Variants in IL1RAPL1 observed in about 807,000 individuals in gnomAD.
IL1RAPL1 encodes the protein interleukin 1 receptor accessory protein like 1.
Under a neutral mutation model 48.4 loss-of-function variants are expected in IL1RAPL1, and 3 were observed. The ratio of observed to expected loss-of-function variants is 0.06; its 90% CI spans 0.03 to 0.16. IL1RAPL1 has a LOEUF of 0.16. Ranked by LOEUF, IL1RAPL1 falls within the 10% of genes least tolerant of loss-of-function variation. The pLI is 1.00. For missense variants in IL1RAPL1, 349 were observed against 530.6 expected (o/e 0.66, Z 3.36); for synonymous variants, 185 against 187.7 (o/e 0.99, Z 0.12).
intron 2 of IL1RAPL1, among the ~76,000 whole-genome samples, chrX:28,943,935 T>C (rs1924229689): frequency 9.0e-6 from 1 of 111,222 alleles, no homozygotes; most frequent in Admixed American, 9.6e-5. Context: ...GTGAAAGTTA[T>C]GCAACTGCTG....
intron 5 of IL1RAPL1, among the ~76,000 whole-genome samples, chrX:29,441,968 A>G (rs370959338): frequency 1.8e-5 from 2 of 112,275 alleles, no homozygotes; most frequent in East Asian, 5.5e-4. Context: ...AATTATTGAA[A>G]TAAGAAAATG....
chrX:29,901,875 A>G (rs943610430), intron 6 of IL1RAPL1, among the ~76,000 whole-genome samples: 1 of 112,474 alleles, frequency 8.9e-6, no homozygotes, highest in Non-Finnish European at 1.9e-5. Context: ...AATCACAAAT[A>G]TTGGAGGATA....
chrX:28,642,128 T>G (rs1171050375), intron 1 of IL1RAPL1, among the ~76,000 whole-genome samples: 3 of 111,365 alleles, frequency 2.7e-5, no homozygotes, highest in African/African-American at 9.8e-5. Flanking sequence ...TAAATATATA[T>G]GCACCCGATA....
At chrX:28,832,846 CA>C (rs199749065) in intron 2 of IL1RAPL1, among the ~76,000 whole-genome samples, 3,974 of 70,168 alleles carry the variant, frequency 0.057, 296 homozygotes, top group African/African-American at 0.19. Flanking sequence ...TTTTTAGATT[CA>C]GGGGGTACAT....
intron 1 of IL1RAPL1, among the ~76,000 whole-genome samples, chrX:28,688,451 C>G (rs1480212187): frequency 9.0e-6 from 1 of 111,464 alleles, no homozygotes; most frequent in Non-Finnish European, 1.9e-5. Context: ...CTCAAGTGGT[C>G]CTCCCACCTC....
intron 5 of IL1RAPL1, among the ~76,000 whole-genome samples, chrX:29,427,011 A>T (rs2147708878): frequency 9.0e-6 from 1 of 110,891 alleles, no homozygotes; most frequent in Non-Finnish European, 1.9e-5. Flanking sequence ...AAAAAAAAAA[A>T]AAAGATTTGC....
intron 1 of IL1RAPL1, among the ~76,000 whole-genome samples, chrX:28,615,199 GTTTTTTTTTTTTTTTTT>G (rs778402885): frequency 2.6e-3 from 67 of 26,054 alleles, no homozygotes; most frequent in East Asian, 5.9e-3. Flanking sequence ...ACTGTTGTCT[GTTTTTTTTTTTTTTTTT>G]TTTTTTTTTT....
chrX:29,712,018 T>C (rs956106548), intron 6 of IL1RAPL1, among the ~76,000 whole-genome samples: 2 of 111,131 alleles, frequency 1.8e-5, no homozygotes, highest in South Asian at 7.5e-4. Flanking sequence ...CTACAGACTT[T>C]ACTAAATGTG....
chrX:29,809,339 C>T (rs937221143), intron 6 of IL1RAPL1, among the ~76,000 whole-genome samples: 2 of 108,348 alleles, frequency 1.8e-5, no homozygotes, highest in East Asian at 5.8e-4. Context: ...ATCTCCTGAC[C>T]TCATGATCCG....
At chrX:29,322,273 T>C in intron 3 of IL1RAPL1, among the ~76,000 whole-genome samples, 1 of 110,134 alleles carries the variant, frequency 9.1e-6, no homozygotes, top group South Asian at 3.9e-4. Flanking sequence ...CTCTCTTTCT[T>C]TCTTTTTTTT....
At chrX:29,623,836 G>T (rs1179035574) in intron 5 of IL1RAPL1, among the ~76,000 whole-genome samples, 1 of 111,575 alleles carries the variant, frequency 9.0e-6, no homozygotes, top group Non-Finnish European at 1.9e-5. Context: ...TGAAAAAACT[G>T]CTAGTTAATG....
intron 2 of IL1RAPL1, among the ~76,000 whole-genome samples, chrX:28,846,420 C>T (rs1286240311): frequency 9.0e-6 from 1 of 111,649 alleles, no homozygotes; most frequent in Non-Finnish European, 1.9e-5. Context: ...AATACAGTTC[C>T]AACTCCTTTG....
chrX:29,164,330 C>T (rs940954904), intron 2 of IL1RAPL1, among the ~76,000 whole-genome samples: 1 of 111,731 alleles, frequency 9.0e-6, no homozygotes, highest in Non-Finnish European at 1.9e-5. Context: ...AGTGCAGATG[C>T]TGAATAATTG....
intron 1 of IL1RAPL1, among the ~76,000 whole-genome samples, chrX:28,669,263 T>C (rs749260510): frequency 9.0e-6 from 1 of 110,982 alleles, no homozygotes; most frequent in Admixed American, 9.7e-5. Flanking sequence ...ATATGACATA[T>C]TAGAGTTAAG....
chrX:28,914,803 A>G (rs1336670829), intron 2 of IL1RAPL1, among the ~76,000 whole-genome samples: 1 of 112,780 alleles, frequency 8.9e-6, no homozygotes, highest in Non-Finnish European at 1.9e-5. Context: ...TATATACTCT[A>G]TGAAAATACT....
rs1934271263 is a variant in IL1RAPL1 at position 29,419,970 on chromosome X, A to T, written c.703+20662A>T. On this transcript the variant is annotated intron_variant, in intron 5 of 10. Transcript: ENST00000378993. ...AGGTGGAACCATGTGACTAGTTCTT[A>T]TCAATGAGTATAAGGGAAGGAATGT... Among the ~76,000 whole-genome samples, 4 of 111,851 alleles carry T rather than the reference A, an allele frequency of 3.6e-5. No homozygotes were observed. In the South Asian group the frequency reaches 1.5e-3, roughly 42 times the overall value.
In IL1RAPL1 at chrX:29,256,572, G is replaced by A. The variant is rs1327357487; in HGVS notation, c.83-26366G>A. 3.6e-5 allele frequency among the ~76,000 whole-genome samples: 4 copies of A among 111,483 alleles called. No individual in the cohort carries two copies. The South Asian group carries it at 1.5e-3, about 41-fold the overall frequency. On this transcript the variant is annotated intron_variant, in intron 2 of 10. Coordinates refer to ENST00000378993, the MANE Select transcript of IL1RAPL1 (RefSeq NM_014271.4). Reference sequence around the variant, plus strand: ...CTAATGCCTCTGTTTTTTCAACTGTGCAATGAAGATCATGCCTACCTTGTA... The same window carrying A: ...CTAATGCCTCTGTTTTTTCAACTGTACAATGAAGATCATGCCTACCTTGTA...
At chrX:28,973,489 C>G (rs963575856) in intron 2 of IL1RAPL1, among the ~76,000 whole-genome samples, 2 of 112,031 alleles carry the variant, frequency 1.8e-5, no homozygotes, top group African/African-American at 6.5e-5. Context: ...TCACGATTTT[C>G]CAATATAACT....
At chrX:28,747,249 ATTC>A (rs1028918529) in intron 1 of IL1RAPL1, among the ~76,000 whole-genome samples, 4 of 111,218 alleles carry the variant, frequency 3.6e-5, no homozygotes, top group African/African-American at 1.3e-4. Flanking sequence ...ATGAGTTCTG[ATTC>A]TTCTTTCTGG....
Sources: gnomAD v4.1 joint callset for allele counts (sites outside exome capture counted in the v4.1 genomes callset) on GRCh38, gnomAD v4.1.1 for gene constraint, MANE v1.5 for transcripts, NCBI Gene and HGNC (gene_info 2026-07-23, HGNC 2026-07-21) for gene names.